The following LRGUK variants were observed in gnomAD, a reference collection of about 807,000 sequenced individuals.
The protein encoded by LRGUK is leucine rich repeats and guanylate kinase domain containing.
In LRGUK, 65 loss-of-function variants were observed where a neutral mutation model predicts 76.0. The observed-to-expected ratio is 0.85, with a 90% confidence interval of 0.70 to 1.05. The LOEUF (loss-of-function observed/expected upper bound fraction) is 1.05, where lower values mean the gene tolerates loss of function less well. Ranked by LOEUF, LRGUK falls within the 50% of genes least tolerant of loss-of-function variation. The probability of loss-of-function intolerance (pLI) is 0.00; values close to 1 mark genes in which losing one functional copy is unlikely to be tolerated. For missense variants in LRGUK, 758 were observed against 732.8 expected, an observed-to-expected ratio of 1.03 and a Z score of -0.40; for synonymous variants, 268 against 265.6, an observed-to-expected ratio of 1.01 and a Z score of -0.09.
chr7:134,207,568 G>A (rs1480820559), intron 15 of LRGUK, among the ~76,000 whole-genome samples: 1 of 152,152 alleles, frequency 6.6e-6, no homozygotes, highest in Non-Finnish European at 1.5e-5. Flanking sequence ...CCGGTTTGAT[G>A]GGATGCAAAG....
In LRGUK at chr7:134,256,627, C is replaced by T. The variant is rs144687940; in HGVS notation, c.2199-1630C>T. Among the ~76,000 whole-genome samples, 935 of 152,216 alleles carry T rather than the reference C, an allele frequency of 6.1e-3. 12 individuals are homozygous for T. Among genetic ancestry groups the T allele is most frequent in the African/African-American group, 0.021 (872 of 41,528 alleles). On this transcript the variant is annotated intron_variant, in intron 18 of 19. Coordinates refer to the LRGUK transcript ENST00000285928. ...CAGTGAGGCCCTTCAGATGTCACAA[C>T]GGTCCCTCTGCTGAGAGCATTCTCC...
At chr7:134,168,871 G>A (rs1232315649) in intron 7 of LRGUK, among the ~76,000 whole-genome samples, 2 of 152,056 alleles carry the variant, frequency 1.3e-5, no homozygotes, top group African/African-American at 2.4e-5. Context: ...GCAGGGTGGG[G>A]ACATGCTGTG....
intron 16 of LRGUK, among the ~76,000 whole-genome samples, chr7:134,232,378 A>G (rs1335262578): frequency 6.6e-6 from 1 of 151,998 alleles, no homozygotes; most frequent in East Asian, 1.9e-4. Flanking sequence ...TCCTGGGTTC[A>G]AGTGATTCTC....
chr7:134,229,848 C>T (rs1801850895), intron 16 of LRGUK, among the ~76,000 whole-genome samples: 1 of 151,910 alleles, frequency 6.6e-6, no homozygotes, highest in African/African-American at 2.4e-5. Flanking sequence ...TAAATAGGAA[C>T]AAAATTAGAT....
chr7:134,160,439 T>C (rs1433253718), intron 6 of LRGUK, among the ~76,000 whole-genome samples: 9 of 152,320 alleles, frequency 5.9e-5, no homozygotes, highest in Non-Finnish European at 1.3e-4. Context: ...AAGGTTTTCT[T>C]TTCCAAAGTT....
At chr7:134,240,191 T>G (rs1802108418) in intron 16 of LRGUK, among the ~76,000 whole-genome samples, 1 of 152,200 alleles carries the variant, frequency 6.6e-6, no homozygotes, top group Non-Finnish European at 1.5e-5. Flanking sequence ...GGAACAAAGC[T>G]GGACGGAGAA....
At chr7:134,194,924 C>T (rs569505665) in intron 12 of LRGUK, among the ~76,000 whole-genome samples, 9 of 152,244 alleles carry the variant, frequency 5.9e-5, no homozygotes, top group Non-Finnish European at 1.2e-4. Flanking sequence ...CACACAGGGC[C>T]AGCTGTGCAG....
At chr7:134,174,012 G>A (rs1799374038) in intron 7 of LRGUK, among the ~76,000 whole-genome samples, 1 of 151,886 alleles carries the variant, frequency 6.6e-6, no homozygotes, top group African/African-American at 2.4e-5. Context: ...AGGAGGCTGA[G>A]GCAGGAGAAT....
intron 19 of LRGUK, among the ~76,000 whole-genome samples, chr7:134,260,253 A>T (rs1361933374): frequency 1.3e-5 from 2 of 152,068 alleles, no homozygotes; most frequent in East Asian, 3.9e-4. Context: ...GCCAGATAAG[A>T]TGAGTTTATG....
At chr7:134,209,416 A>G (rs868147845) in exon 16 of LRGUK, 139 of 399,120 alleles carry the variant, frequency 3.5e-4, no homozygotes, top group African/African-American at 2.6e-3. Context: ...AAACCTCCAA[A>G]CCGGAAGCCA....
chr7:134,150,702 C>T (rs1168158942), intron 5 of LRGUK, among the ~76,000 whole-genome samples: 1 of 152,112 alleles, frequency 6.6e-6, no homozygotes, highest in Non-Finnish European at 1.5e-5. Context: ...ATTTTGGACT[C>T]AAAACACAGT....
chr7:134,191,795 T>C (rs771911228), intron 12 of LRGUK, 44 bp downstream of exon 12: 10 of 1,257,850 alleles, frequency 8.0e-6, no homozygotes, highest in Non-Finnish European at 1.1e-5. Flanking sequence ...GAAATACACG[T>C]TCTCTGGCAA....
At chr7:134,150,379 T>C (rs997677659) in intron 5 of LRGUK, among the ~76,000 whole-genome samples, 2 of 151,978 alleles carry the variant, frequency 1.3e-5, no homozygotes, top group African/African-American at 4.8e-5. Context: ...AGAGAATTGC[T>C]TGAACCTGGG....
chr7:134,178,078 C>G (rs973509579), intron 9 of LRGUK, among the ~76,000 whole-genome samples: 1 of 152,142 alleles, frequency 6.6e-6, no homozygotes, highest in African/African-American at 2.4e-5. Context: ...ATGAGGAAAA[C>G]ATTCCGCATG....
chr7:134,143,264 C>T, intron 4 of LRGUK, 102 bp downstream of exon 4: 1 of 719,422 alleles, frequency 1.4e-6, no homozygotes, highest in Non-Finnish European at 2.5e-6. Flanking sequence ...GAATAAGATA[C>T]AGAGGTAAGC....
chr7:134,176,516 A>ACTAC lies in LRGUK; in HGVS notation c.1021-460_1021-457dup, dbSNP rs1281278594. Among the ~76,000 whole-genome samples the ACTAC allele has an allele frequency of 9.2e-5, 14 of 152,134 alleles. 1 individual carries two copies. In the South Asian group the frequency reaches 1.5e-3, roughly 16 times the overall value. On this transcript the variant is annotated intron_variant, in intron 8 of 15. Coordinates refer to ENST00000645682, the Ensembl canonical transcript of LRGUK. The stretch of plus-strand genomic sequence containing the variant: ...TGCCTCAGCCTCCTGAGTAGCTGGG[A>ACTAC]CTACGGGCACCTGCCACCATGCCTG...
intron 5 of LRGUK, among the ~76,000 whole-genome samples, chr7:134,149,023 ATTCT>A (rs562526313): frequency 2.0e-5 from 3 of 151,342 alleles, no homozygotes; most frequent in East Asian, 1.9e-4. Context: ...AAAATTAGTG[ATTCT>A]TTATTTTGCA....
chr7:134,174,571 G>A, exon 8 of LRGUK: 1 of 1,605,404 alleles, frequency 6.2e-7, no homozygotes, highest in Non-Finnish European at 8.5e-7. Context: ...TGAGCTGAGA[G>A]AAATAGAATA....
chr7:134,193,252 C>G, intron 12 of LRGUK, among the ~76,000 whole-genome samples: 1 of 152,156 alleles, frequency 6.6e-6, no homozygotes, highest in East Asian at 1.9e-4. Context: ...TACTCTGGGA[C>G]TTTATGTTTC....
Sources: allele counts gnomAD v4.1 joint callset (sites outside exome capture counted in the v4.1 genomes callset), GRCh38; gene constraint gnomAD v4.1.1; transcripts MANE v1.5; gene names NCBI Gene and HGNC (gene_info 2026-07-23, HGNC 2026-07-21).